Variants in CACNA1B observed in about 807,000 individuals in gnomAD.
The protein encoded by CACNA1B is calcium voltage-gated channel subunit alpha1 B.
Under a neutral mutation model 247.2 loss-of-function variants are expected in CACNA1B, and 70 were observed. That is an observed-to-expected ratio of 0.28 (90% CI 0.23 to 0.35). CACNA1B has a LOEUF of 0.35. Among genes scored for constraint, CACNA1B ranks in the 10% least tolerant of loss-of-function variants. The pLI is 1.00. For missense variants in CACNA1B, 2,367 were observed against 3,197.4 expected (o/e 0.74, Z 6.26); for synonymous variants, 1,231 against 1,294.4 (o/e 0.95, Z 1.05).
chr9:138,120,571 G>C, intron 45 of CACNA1B, 60 bp from the exon 46 acceptor site: 2 of 1,455,614 alleles, frequency 1.4e-6, no homozygotes, highest in South Asian at 1.5e-5. Flanking sequence ...TGCTGGGCCC[G>C]GGGGTCAGGG....
At chr9:137,980,970 T>A (rs576529202) in intron 12 of CACNA1B, among the ~76,000 whole-genome samples, 21 of 152,348 alleles carry the variant, frequency 1.4e-4, no homozygotes, top group South Asian at 1.2e-3. Context: ...AACAAATGCA[T>A]GTGTCTTTTT....
chr9:137,971,642 C>T lies in CACNA1B; in HGVS notation c.1543+50C>T, dbSNP rs1266181991. 6.7e-7 allele frequency: 1 copy of T among 1,503,522 alleles called. No homozygotes were observed. Among genetic ancestry groups the T allele is most frequent in the Non-Finnish European group, 9.1e-7 (1 of 1,093,218 alleles). 93.1% of individuals were successfully genotyped at this position (1,503,522 alleles called of 1,614,324 possible). A position where few individuals can be genotyped will look rare whatever the true frequency, so the allele number is the denominator to read the frequency against. ...GGTGCTTCCTGAGCATCTCTGCTCT[C>T]AGTCTGGAAACCCTGGTCCATGCCC... is the stretch of plus-strand genomic sequence containing the variant. On this transcript the variant is annotated intron_variant, in intron 11 of 46. Transcript: ENST00000371372. The surrounding 1 kb of genome is among the most constrained non-coding windows in gnomAD (Gnocchi z 4.4).
chr9:138,111,228 T>C (rs1961618418), intron 39 of CACNA1B, among the ~76,000 whole-genome samples: 2 of 152,232 alleles, frequency 1.3e-5, no homozygotes, highest in Non-Finnish European at 2.9e-5. Context: ...TATTCAAAAT[T>C]GCCCCAAACT....
At chr9:137,898,885 G>A (rs1957201369) in intron 3 of CACNA1B, among the ~76,000 whole-genome samples, 1 of 151,824 alleles carries the variant, frequency 6.6e-6, no homozygotes, top group African/African-American at 2.4e-5. Flanking sequence ...GTTTCACCAT[G>A]TTAGCCAGGA....
Position 137,984,152 on chromosome 9 carries a change from C to T in CACNA1B, c.1671C>T (p.Ser557=), listed in dbSNP as rs201433761. 3.7e-5 allele frequency: 59 copies of T among 1,598,300 alleles called. No individual in the cohort carries two copies. The South Asian group carries it at 5.8e-4, about 16-fold the overall frequency. ...TCCCGTTGCAGGTCATCGTGGGGAG[C>T]GTCTTTGAAGTGGTCTGGGCGGCCA... ...NCFDFGVIVG[S]VFEVVWAAIK... The change falls in exon 13 of 47, where the codon AGC becomes AGT. Residue 557 remains serine, a synonymous_variant. Coordinates refer to ENST00000371372, the MANE Select transcript of CACNA1B (RefSeq NM_000718.4).
chr9:138,087,005 C>G (rs1225548450), intron 36 of CACNA1B, among the ~76,000 whole-genome samples: 5 of 151,112 alleles, frequency 3.3e-5, no homozygotes, highest in Non-Finnish European at 7.4e-5. Flanking sequence ...AAATCAGTAA[C>G]AAGGGGAGCT....
intron 6 of CACNA1B, among the ~76,000 whole-genome samples, chr9:137,948,072 C>A (rs904211032): frequency 6.6e-6 from 1 of 151,262 alleles, no homozygotes; most frequent in African/African-American, 2.4e-5. Context: ...ACTCCGCCTC[C>A]CAAGCTCAAG....
intron 6 of CACNA1B, among the ~76,000 whole-genome samples, chr9:137,922,539 TCA>T (rs1349980784): frequency 1.3e-5 from 2 of 152,116 alleles, no homozygotes; most frequent in African/African-American, 4.8e-5. Flanking sequence ...AAGGGCGGTC[TCA>T]GTGGTGGGAC....
At chr9:137,883,871 G>A (rs1336785795) in intron 3 of CACNA1B, among the ~76,000 whole-genome samples, 2 of 151,448 alleles carry the variant, frequency 1.3e-5, no homozygotes, top group Non-Finnish European at 3.0e-5. Flanking sequence ...CTCACCCAGT[G>A]ACTGCCCCAA....
chr9:137,946,269 C>T (rs1044369288), intron 6 of CACNA1B, among the ~76,000 whole-genome samples: 6 of 152,042 alleles, frequency 3.9e-5, no homozygotes, highest in East Asian at 1.9e-4. Flanking sequence ...CTTAGCCAGT[C>T]GAATAGATCA....
intron 36 of CACNA1B, among the ~76,000 whole-genome samples, chr9:138,089,380 T>C (rs1468945113): frequency 6.6e-6 from 1 of 152,082 alleles, no homozygotes; most frequent in Non-Finnish European, 1.5e-5. Flanking sequence ...AAACCAGTAA[T>C]CAACATAATA....
chr9:137,927,156 A>C (rs1299967077), intron 6 of CACNA1B, among the ~76,000 whole-genome samples: 1 of 151,346 alleles, frequency 6.6e-6, no homozygotes, highest in South Asian at 2.1e-4. Flanking sequence ...TAAGAGTTTT[A>C]CTTTTTTTAG....
intron 3 of CACNA1B, among the ~76,000 whole-genome samples, chr9:137,886,267 G>T (rs1254640046): frequency 6.6e-6 from 1 of 151,068 alleles, no homozygotes; most frequent in Non-Finnish European, 1.5e-5. Context: ...TGACATGGGG[G>T]CCTCCAGCAG....
intron 36 of CACNA1B, among the ~76,000 whole-genome samples, chr9:138,079,742 C>CAAAAA (rs141292393): frequency 4.8e-5 from 2 of 41,828 alleles, no homozygotes; most frequent in African/African-American, 1.7e-4. Flanking sequence ...GACTCCATCT[C>CAAAAA]AAAAAAAAAA....
Position 137,954,879 on chromosome 9 carries a change from T to TGTGTGTGTGTGTGTGTGTGA in CACNA1B, c.1071-818_1071-817insTGTGTGTGTGTGTGTGTGAG, listed in dbSNP as rs1440887333. Among the ~76,000 whole-genome samples, 82 of 145,282 alleles carry TGTGTGTGTGTGTGTGTGTGA rather than the reference T, an allele frequency of 5.6e-4. No homozygotes were observed. Among genetic ancestry groups the TGTGTGTGTGTGTGTGTGTGA allele is most frequent in the African/African-American group, 1.9e-3 (75 of 38,728 alleles). ...GCTTGTGTGTGTGTGTGTGTGTGTG[T>TGTGTGTGTGTGTGTGTGTGA]GAGAGAGAGAGAGAGAGAGAGAGGG... On this transcript the variant is annotated intron_variant, in intron 7 of 46. Transcript: ENST00000371372. The surrounding 1 kb of genome is among the most constrained non-coding windows in gnomAD (Gnocchi z 4.1).
At chr9:137,981,458 C>A (rs1478243981) in intron 12 of CACNA1B, among the ~76,000 whole-genome samples, 4 of 152,084 alleles carry the variant, frequency 2.6e-5, no homozygotes. Flanking sequence ...GAGGTTGATC[C>A]CCTGGTTGAT....
intron 15 of CACNA1B, among the ~76,000 whole-genome samples, chr9:137,998,831 T>C (rs1256225156): frequency 1.3e-5 from 2 of 152,182 alleles, no homozygotes; most frequent in Non-Finnish European, 2.9e-5. Context: ...TTATAACATG[T>C]CTCTGTCAAA....
intron 16 of CACNA1B, 51 bp downstream of exon 16, chr9:138,006,935 C>A (rs1737168696): frequency 3.2e-6 from 3 of 939,162 alleles, no homozygotes; most frequent in Admixed American, 1.9e-5. Context: ...TGGCCCTCCT[C>A]TTCTCCATGG....
At chr9:137,946,433 G>A (rs571248878) in intron 6 of CACNA1B, among the ~76,000 whole-genome samples, 4 of 152,162 alleles carry the variant, frequency 2.6e-5, no homozygotes, top group Middle Eastern at 3.2e-3. Context: ...TGTGTCACAC[G>A]TAGGGATCAG....
Sources: gnomAD v4.1 joint callset for allele counts (sites outside exome capture counted in the v4.1 genomes callset) on GRCh38, gnomAD v4.1.1 for gene constraint, Gnocchi (gnomAD v3.1) non-coding constraint, MANE v1.5 for transcripts, NCBI Gene and HGNC (gene_info 2026-07-23, HGNC 2026-07-21) for gene names.